The following ABCA13 variants were observed in gnomAD, a reference collection of about 807,000 sequenced individuals.
The protein encoded by ABCA13 is ATP-binding cassette sub-family A member 13.
In ABCA13, 476 loss-of-function variants were observed where a neutral mutation model predicts 478.7. The observed-to-expected ratio is 0.99, with a 90% CI of 0.92 to 1.07. The LOEUF (loss-of-function observed/expected upper bound fraction) is 1.07, where lower values mean the gene tolerates loss of function less well. Ranked by LOEUF, ABCA13 falls within the 50% of genes least tolerant of loss-of-function variation. The pLI is 0.00. For synonymous variants in ABCA13, 2,252 were observed against 2,158.9 expected (o/e 1.04, Z -1.20); for missense variants, 6,060 against 5,910.6 (o/e 1.03, Z -0.83).
At chr7:48,356,423 G>C (rs1358018196) in intron 31 of ABCA13, among the ~76,000 whole-genome samples, 1 of 151,170 alleles carries the variant, frequency 6.6e-6, no homozygotes, top group Non-Finnish European at 1.5e-5. Flanking sequence ...GCTACCTGGG[G>C]AATAGTCCAG....
At chr7:48,463,134 T>A (rs2130032121) in intron 43 of ABCA13, among the ~76,000 whole-genome samples, 1 of 152,194 alleles carries the variant, frequency 6.6e-6, no homozygotes, top group South Asian at 2.1e-4. Flanking sequence ...TTTTGTTTTG[T>A]TTTTAATTTT....
At chr7:48,206,614 A>T (rs35223720) in intron 3 of ABCA13, among the ~76,000 whole-genome samples, 30,666 of 151,952 alleles carry the variant, frequency 0.2, 3,323 homozygotes, top group Middle Eastern at 0.25. Context: ...TTTAAAAAAA[A>T]TTTTGTTTCT....
intron 44 of ABCA13, among the ~76,000 whole-genome samples, chr7:48,469,062 C>T (rs557624049): frequency 6.6e-6 from 1 of 152,340 alleles, no homozygotes; most frequent in African/African-American, 2.4e-5. Flanking sequence ...CTATTTCTAA[C>T]ACAAAATGGT....
intron 35 of ABCA13, among the ~76,000 whole-genome samples, chr7:48,382,849 C>T (rs1814610294): frequency 6.6e-6 from 1 of 151,992 alleles, no homozygotes; most frequent in Admixed American, 6.6e-5. Context: ...TCCCTCGTAC[C>T]ACTAGAGGGT....
At chr7:48,633,125 A>C (rs999086901) in intron 59 of ABCA13, among the ~76,000 whole-genome samples, 1 of 152,198 alleles carries the variant, frequency 6.6e-6, no homozygotes, top group Non-Finnish European at 1.5e-5. Context: ...ACACTATCAA[A>C]AGTGTGAAAA....
At chr7:48,571,181 A>T (rs79058798) in intron 55 of ABCA13, among the ~76,000 whole-genome samples, 8,279 of 152,212 alleles carry the variant, frequency 0.054, 253 homozygotes, top group South Asian at 0.086. Flanking sequence ...TCTATTATGG[A>T]AATGCATTTA....
chr7:48,294,956 A>G (rs1349266924), intron 20 of ABCA13, among the ~76,000 whole-genome samples: 1 of 152,194 alleles, frequency 6.6e-6, no homozygotes, highest in Non-Finnish European at 1.5e-5. Context: ...ATCTCTTTAG[A>G]AACATTTTGG....
At position 48,645,612 on chromosome 7, in the gene ABCA13, A is replaced by G. The variant is rs1278250479; in HGVS notation, c.*100A>G. 2 of 926,068 alleles carry G rather than the reference A, an allele frequency of 2.2e-6. No individual in the cohort carries two copies. The highest frequency in any genetic ancestry group is 3.2e-5 in the South Asian group (2 of 62,590). The allele number at this position is 926,068 out of a possible 1,614,324, so 57.4% of individuals were successfully genotyped here. A position where few individuals can be genotyped will look rare whatever the true frequency, so the allele number is the denominator to read the frequency against. Reference sequence around the variant, plus strand: ...GCGCACAATCAAGGAGCTGGAACACACTCTCCAGGCCGTCAAATTATTCTC... The same window carrying G: ...GCGCACAATCAAGGAGCTGGAACACGCTCTCCAGGCCGTCAAATTATTCTC... On this transcript the variant is annotated 3_prime_UTR_variant, in exon 62 of 62. Coordinates refer to ENST00000435803, the MANE Select transcript of ABCA13 (RefSeq NM_152701.5).
chr7:48,548,347 G>A (rs1785006328), intron 55 of ABCA13, among the ~76,000 whole-genome samples: 1 of 151,770 alleles, frequency 6.6e-6, no homozygotes, highest in Admixed American at 6.6e-5. Context: ...TGTTAATTAA[G>A]GGATAATTTC....
At chr7:48,438,683 G>T (rs1823174091) in intron 42 of ABCA13, among the ~76,000 whole-genome samples, 1 of 150,152 alleles carries the variant, frequency 6.7e-6, no homozygotes, top group African/African-American at 2.5e-5. Context: ...TTTCTTTACT[G>T]ATTTTTTGTT....
intron 27 of ABCA13, among the ~76,000 whole-genome samples, chr7:48,324,272 T>A (rs1204842287): frequency 6.6e-6 from 1 of 152,218 alleles, no homozygotes; most frequent in Non-Finnish European, 1.5e-5. Flanking sequence ...TGTCCTCACA[T>A]AGTTGTCCCT....
intron 59 of ABCA13, among the ~76,000 whole-genome samples, chr7:48,617,077 A>G (rs1449590646): frequency 1.3e-5 from 2 of 152,178 alleles, no homozygotes; most frequent in African/African-American, 4.8e-5. Context: ...TTCTCCTATA[A>G]CTATAAACCT....
At chr7:48,294,450 T>G (rs952531845) in intron 20 of ABCA13, among the ~76,000 whole-genome samples, 45 of 139,384 alleles carry the variant, frequency 3.2e-4, no homozygotes, top group African/African-American at 1.3e-3. Flanking sequence ...TTGTTTTGTT[T>G]TTTTTTTGAG....
chr7:48,265,045 A>C (rs1019598913), intron 15 of ABCA13, among the ~76,000 whole-genome samples: 11 of 151,780 alleles, frequency 7.2e-5, no homozygotes, highest in African/African-American at 2.2e-4. Flanking sequence ...TATGAAGGCT[A>C]TTCTTTTTCC....
chr7:48,379,627 G>T (rs886077130), intron 35 of ABCA13, among the ~76,000 whole-genome samples: 2 of 151,868 alleles, frequency 1.3e-5, no homozygotes, highest in African/African-American at 4.8e-5. Flanking sequence ...AAGCCATTTG[G>T]CACTAAAAGG....
intron 38 of ABCA13, among the ~76,000 whole-genome samples, chr7:48,402,919 C>G (rs10229954): frequency 0.12 from 17,677 of 152,228 alleles, 1,209 homozygotes; most frequent in Admixed American, 0.19. Context: ...ATTGTTTAAA[C>G]TGGGTTTGTA....
intron 59 of ABCA13, among the ~76,000 whole-genome samples, chr7:48,617,047 A>C (rs1356444447): frequency 3.3e-5 from 5 of 152,172 alleles, no homozygotes; most frequent in Non-Finnish European, 7.3e-5. Flanking sequence ...AGTAAAATAA[A>C]ATAATTTGTA....
At chr7:48,334,669 A>G (rs1805961429) in intron 27 of ABCA13, among the ~76,000 whole-genome samples, 1 of 152,130 alleles carries the variant, frequency 6.6e-6, no homozygotes, top group Non-Finnish European at 1.5e-5. Context: ...TGAAGCTGAG[A>G]GTTCAAGGTT....
intron 3 of ABCA13, among the ~76,000 whole-genome samples, chr7:48,218,938 A>C (rs1378506957): frequency 1.3e-5 from 2 of 152,212 alleles, no homozygotes; most frequent in African/African-American, 2.4e-5. Context: ...AAATAAAGGC[A>C]TGGAATTAAA....
Sources: gnomAD v4.1 joint callset for allele counts (sites outside exome capture counted in the v4.1 genomes callset) on GRCh38, gnomAD v4.1.1 for gene constraint, MANE v1.5 for transcripts, NCBI Gene and HGNC (gene_info 2026-07-23, HGNC 2026-07-21) for gene names.